CAMTA1: variants seen among roughly 807,000 people sequenced by gnomAD.
CAMTA1 encodes the protein calmodulin binding transcription activator 1, also known as calmodulin-binding transcription activator 1.
Under a neutral mutation model 170.9 loss-of-function variants are expected in CAMTA1, and 27 were observed. The observed-to-expected ratio is 0.16, with a 90% CI of 0.12 to 0.22. CAMTA1 has a LOEUF of 0.22. CAMTA1 is among the 10% of genes least tolerant of loss of function. CAMTA1 has a pLI of 1.00. For missense variants in CAMTA1, 1,619 were observed against 2,217.2 expected (o/e 0.73, Z 5.42); for synonymous variants, 833 against 891.5 (o/e 0.93, Z 1.17).
chr1:6,881,517 G>T (rs773682964), intron 3 of CAMTA1, among the ~76,000 whole-genome samples: 1 of 152,152 alleles, frequency 6.6e-6, no homozygotes, highest in Non-Finnish European at 1.5e-5. Flanking sequence ...AAGGAGGCCT[G>T]TGTTGCTGTG....
chr1:7,596,897 C>T (rs1326521282), intron 6 of CAMTA1, among the ~76,000 whole-genome samples: 1 of 141,428 alleles, frequency 7.1e-6, no homozygotes, highest in Non-Finnish European at 1.5e-5. Context: ...AGATGACAGA[C>T]ATGCAGTAAC....
At chr1:7,611,504 G>A (rs372484782) in intron 6 of CAMTA1, among the ~76,000 whole-genome samples, 5 of 152,346 alleles carry the variant, frequency 3.3e-5, no homozygotes, top group African/African-American at 1.2e-4. Flanking sequence ...CCAGGAAGGA[G>A]AGGATTCCCT....
At chr1:7,689,786 C>T (rs919585707) in intron 11 of CAMTA1, among the ~76,000 whole-genome samples, 1 of 152,178 alleles carries the variant, frequency 6.6e-6, no homozygotes, top group African/African-American at 2.4e-5. Flanking sequence ...TGCTCTCCTC[C>T]CTCTGTCTGC....
At chr1:7,074,829 A>G (rs1639090299) in intron 3 of CAMTA1, among the ~76,000 whole-genome samples, 1 of 152,238 alleles carries the variant, frequency 6.6e-6, no homozygotes, top group African/African-American at 2.4e-5. Flanking sequence ...AGCCTTTAAC[A>G]CACATTAAAG....
At chr1:6,954,886 T>C (rs1274470605) in intron 3 of CAMTA1, among the ~76,000 whole-genome samples, 1 of 152,080 alleles carries the variant, frequency 6.6e-6, no homozygotes, top group Non-Finnish European at 1.5e-5. Context: ...TCGTCTATGG[T>C]GCAGCCCTCC....
At chr1:7,571,666 C>A (rs1420654632) in intron 6 of CAMTA1, among the ~76,000 whole-genome samples, 3 of 151,252 alleles carry the variant, frequency 2.0e-5, no homozygotes, top group Non-Finnish European at 4.4e-5. Context: ...AGGACATGAT[C>A]TTGCTCTTTT....
intron 3 of CAMTA1, among the ~76,000 whole-genome samples, chr1:7,027,211 A>G (rs1053649798): frequency 3.3e-5 from 5 of 152,198 alleles, no homozygotes; most frequent in African/African-American, 9.7e-5. Flanking sequence ...TAGAAAAAAA[A>G]GAAATGTCTT....
At chr1:6,978,953 G>C (rs1429796012) in intron 3 of CAMTA1, among the ~76,000 whole-genome samples, 1 of 152,128 alleles carries the variant, frequency 6.6e-6, no homozygotes, top group Non-Finnish European at 1.5e-5. Context: ...TTGTGTGGTG[G>C]ATGCATCGTG....
intron 3 of CAMTA1, among the ~76,000 whole-genome samples, chr1:6,938,520 CG>C (rs1271142363): frequency 1.3e-5 from 2 of 152,144 alleles, no homozygotes; most frequent in African/African-American, 4.8e-5. Flanking sequence ...GCTTGGCTGG[CG>C]GGCCTTGGGA....
At chr1:7,548,710 C>G (rs1339709916) in intron 6 of CAMTA1, among the ~76,000 whole-genome samples, 1 of 65,196 alleles carries the variant, frequency 1.5e-5, no homozygotes. Flanking sequence ...TGGAGGTGCC[C>G]ATGGAGGGTG....
chr1:7,439,688 A>G (rs1433664069), intron 5 of CAMTA1, among the ~76,000 whole-genome samples: 1 of 152,170 alleles, frequency 6.6e-6, no homozygotes, highest in Non-Finnish European at 1.5e-5. Context: ...GCAGCTTCTC[A>G]TTCAGGACTG....
chr1:7,334,235 A>G (rs2083211141), intron 5 of CAMTA1, among the ~76,000 whole-genome samples: 2 of 152,110 alleles, frequency 1.3e-5, no homozygotes, highest in African/African-American at 2.4e-5. Context: ...AGAAAGGGGG[A>G]AAAAAATCAC....
intron 5 of CAMTA1, among the ~76,000 whole-genome samples, chr1:7,452,701 G>C (rs1464800647): frequency 6.6e-6 from 1 of 152,190 alleles, no homozygotes; most frequent in Non-Finnish European, 1.5e-5. Flanking sequence ...GTCAGCTCTT[G>C]GTTCCCCTCT....
chr1:6,987,155 C>T (rs144199781), intron 3 of CAMTA1, among the ~76,000 whole-genome samples: 14 of 141,596 alleles, frequency 9.9e-5, no homozygotes, highest in African/African-American at 3.8e-4. Flanking sequence ...GGCCCACCCT[C>T]AGAGACTGTT....
At chr1:7,035,064 T>C (rs1703389264) in intron 3 of CAMTA1, among the ~76,000 whole-genome samples, 2 of 152,198 alleles carry the variant, frequency 1.3e-5, no homozygotes, top group African/African-American at 4.8e-5. Flanking sequence ...TTAGAAGTGA[T>C]GGTAAAGACC....
At chr1:7,322,941 T>TTTCCC (rs1678655490) in intron 5 of CAMTA1, among the ~76,000 whole-genome samples, 1 of 56,648 alleles carries the variant, frequency 1.8e-5, no homozygotes, top group East Asian at 8.5e-4. Context: ...CTTCTCTTTC[T>TTTCCC]TTCCCTCCCC....
chr1:6,881,490 G>C (rs1671565458), intron 3 of CAMTA1, among the ~76,000 whole-genome samples: 1 of 152,202 alleles, frequency 6.6e-6, no homozygotes, highest in South Asian at 2.1e-4. Context: ...TGGCGAGAGA[G>C]AAGCCAGGAG....
intron 6 of CAMTA1, among the ~76,000 whole-genome samples, chr1:7,497,702 C>A (rs2093852720): frequency 6.6e-6 from 1 of 152,204 alleles, no homozygotes; most frequent in Admixed American, 6.5e-5. Context: ...GGAGAGACAG[C>A]CACACAAACT....
At chr1:6,904,246 G>C (rs897858267) in intron 3 of CAMTA1, among the ~76,000 whole-genome samples, 11 of 152,094 alleles carry the variant, frequency 7.2e-5, no homozygotes, top group Non-Finnish European at 1.2e-4. Flanking sequence ...CCTCTTTTCA[G>C]CCCTCATCCT....
Sources: gnomAD v4.1 joint callset for allele counts (sites outside exome capture counted in the v4.1 genomes callset) on GRCh38, gnomAD v4.1.1 for gene constraint, MANE v1.5 for transcripts, NCBI Gene and HGNC (gene_info 2026-07-23, HGNC 2026-07-21) for gene names.